NUP188: variants seen among roughly 807,000 people sequenced by gnomAD.
NUP188 encodes the protein nucleoporin NUP188.
NUP188 carries 97 observed loss-of-function variants against 223.0 expected under a neutral mutation model. The observed-to-expected ratio is 0.43, with a 90% CI of 0.37 to 0.51. The LOEUF is 0.51. Ranked by LOEUF, NUP188 falls within the 20% of genes least tolerant of loss-of-function variation. NUP188 has a pLI of 0.00. For missense variants in NUP188, 1,947 were observed against 2,175.6 expected, an observed-to-expected ratio of 0.89 and a Z score of 2.09; for synonymous variants, 869 against 828.0, an observed-to-expected ratio of 1.05 and a Z score of -0.85.
chr9:128,972,280 A>G (rs1842114960), intron 11 of NUP188, among the ~76,000 whole-genome samples: 1 of 152,260 alleles, frequency 6.6e-6, no homozygotes, highest in Non-Finnish European at 1.5e-5. Context: ...TGAGCCATCA[A>G]ACCATGAAAA....
At chr9:129,006,479 C>G in intron 43 of NUP188, 23 bp from the exon 44 acceptor site, 1 of 1,611,618 alleles carries the variant, frequency 6.2e-7, no homozygotes, top group Non-Finnish European at 8.5e-7. Flanking sequence ...CTGAGCCTCA[C>G]CAAGCCACTT....
intron 24 of NUP188, 31 bp from the exon 25 acceptor site, chr9:128,990,089 G>C (rs1258869775): frequency 6.6e-7 from 1 of 1,509,596 alleles, no homozygotes; most frequent in Non-Finnish European, 9.2e-7. Flanking sequence ...AGGCACACTT[G>C]ATATCTAAAC....
At chr9:128,966,471 G>A (rs1398925683) in intron 8 of NUP188, among the ~76,000 whole-genome samples, 2 of 151,542 alleles carry the variant, frequency 1.3e-5, no homozygotes, top group Non-Finnish European at 2.9e-5. Flanking sequence ...TGACCTCCTG[G>A]GCTCAGGTAA....
Position 128,949,202 on chromosome 9 carries a change from CTG to C in NUP188, c.49_50del (p.Trp17AspfsTer16). On this transcript the variant is annotated frameshift_variant, in exon 2 of 44. Coordinates refer to ENST00000372577, the MANE Select transcript of NUP188 (RefSeq NM_015354.3). LOFTEE classifies it high-confidence loss of function. The stretch of plus-strand genomic sequence containing the variant: ...CTCATTTTGCAGGAGCAGTAGAGAA[CTG>C]TGGACTATTCTGCTTGGAAGGTCAG... Reference protein sequence around the residue: ...GGPCVRSSRELWTILLGRSAL... With the variant: ...GGPCVRSSREXWTILLGRSAL... 6.2e-7 allele frequency: 1 copy of C among 1,613,134 alleles called. No individual in the cohort carries two copies. Among genetic ancestry groups the C allele is most frequent in the Non-Finnish European group, 8.5e-7 (1 of 1,179,290 alleles).
In NUP188 at chr9:128,999,672, C is replaced by A. The variant is rs1329897317; in HGVS notation, c.3710C>A (p.Thr1237Asn). 1.2e-6 allele frequency: 2 copies of A among 1,614,152 alleles called. No homozygotes were observed. The highest frequency in any genetic ancestry group is 1.3e-5 in the African/African-American group (1 of 75,046). Residue 1237 changes from threonine (T) to asparagine (N), a missense_variant, in exon 34 of 44, where the codon ACC becomes AAC. Thr to Asn is a moderately conservative substitution (Grantham distance 65). Transcript: ENST00000372577. ...YSQLVLNVCE[T>N]LQEEVIALFD... is the part of the protein sequence containing the mutation. The stretch of plus-strand genomic sequence containing the variant: ...CAGCTGGTGCTGAATGTCTGTGAGA[C>A]CCTCCAAGAGGAAGTGATTGCACTC...
intron 3 of NUP188, 96 bp downstream of exon 3, chr9:128,952,942 T>A: frequency 1.0e-6 from 1 of 970,780 alleles, no homozygotes; most frequent in Non-Finnish European, 1.6e-6. Flanking sequence ...TATTGTAGGG[T>A]TATGTATACC....
At chr9:128,972,130 T>C (rs1842113323) in intron 11 of NUP188, among the ~76,000 whole-genome samples, 1 of 152,236 alleles carries the variant, frequency 6.6e-6, no homozygotes, top group South Asian at 2.1e-4. Flanking sequence ...TGAAAACATA[T>C]CCACACAAAA....
chr9:128,968,817 A>T, intron 9 of NUP188, 100 bp downstream of exon 9: 1 of 864,956 alleles, frequency 1.2e-6, no homozygotes, highest in South Asian at 1.6e-5. Context: ...TTTTCACTTA[A>T]TCGGTGGGGA....
chr9:128,985,005 C>G lies in NUP188; in HGVS notation c.2067C>G (p.Thr689=). 6.2e-7 allele frequency: 1 copy of G among 1,609,760 alleles called. No individual in the cohort carries two copies. The highest frequency in any genetic ancestry group is 1.3e-5 in the African/African-American group (1 of 74,934). Residue 689 remains threonine (T), a synonymous_variant, in exon 20 of 44, where the codon ACC becomes ACG. Transcript: ENST00000372577. ...VTIAFLRLIT[T]LVKGQLGSTQ... ...TTGCCTTTCTGCGCTTGATCACCAC[C>G]CTTGTCAAGGTACAGTCTGATTTTG...
rs767991851 is a variant in NUP188 at position 128,993,304 on chromosome 9, C to T, written c.2748C>T (p.Val916=). 1 of 1,614,158 alleles carries T rather than the reference C, an allele frequency of 6.2e-7. No homozygotes were observed. The highest frequency in any genetic ancestry group is 8.5e-7 in the Non-Finnish European group (1 of 1,180,004). ...QSKIEDMRIK[V]MILEFLTVAV... ...AAATTGAGGACATGCGCATCAAAGT[C>T]ATGATTCTAGAGTTCCTCACTGTTG... The change falls in exon 26 of 44, where the codon GTC becomes GTT. Residue 916 remains valine, a synonymous_variant. Transcript: ENST00000372577.
Position 129,005,318 on chromosome 9 carries a change from G to A in NUP188, c.4525G>A (p.Gly1509Ser). 6.2e-7 allele frequency: 1 copy of A among 1,614,090 alleles called. No individual in the cohort carries two copies. The highest frequency in any genetic ancestry group is 1.3e-5 in the African/African-American group (1 of 75,050). Residue 1509 changes from glycine to serine, a missense_variant, in exon 40 of 44, where the codon GGC becomes AGC. Coordinates refer to ENST00000372577, the MANE Select transcript of NUP188 (RefSeq NM_015354.3). Reference protein sequence around the residue: ...QHYLQNKNGDGLPSAVAQRVQ... With the variant: ...QHYLQNKNGDSLPSAVAQRVQ... ...CTCTCCTTAGAACAAAAATGGGGAT[G>A]GCCTCCCCTCAGCTGTTGCCCAGCG...
chr9:128,993,817 A>G (rs556927471), intron 27 of NUP188, 123 bp downstream of exon 27: 50 of 807,928 alleles, frequency 6.2e-5, no homozygotes, highest in African/African-American at 4.6e-4. Flanking sequence ...TCCTGGTTCA[A>G]TACCTGGGAG....
intron 3 of NUP188, among the ~76,000 whole-genome samples, chr9:128,953,150 A>G (rs1327047105): frequency 3.3e-5 from 5 of 152,218 alleles, no homozygotes; most frequent in African/African-American, 1.2e-4. Context: ...CTGTGTGAGT[A>G]CTAATTGGTG....
chr9:128,982,804 T>G, intron 16 of NUP188, 98 bp from the exon 17 acceptor site: 1 of 1,588,516 alleles, frequency 6.3e-7, no homozygotes, highest in South Asian at 1.1e-5. Flanking sequence ...ACCATCAAGA[T>G]TGTGATTTGT....
At chr9:129,002,168 C>T (rs1018743668) in intron 36 of NUP188, among the ~76,000 whole-genome samples, 192 bp downstream of exon 36, 5 of 152,274 alleles carry the variant, frequency 3.3e-5, no homozygotes, top group African/African-American at 1.2e-4. Flanking sequence ...ACCGCCTGGC[C>T]TTTGTGCACT....
chr9:128,968,733 G>A lies in NUP188; in HGVS notation c.797+16G>A. 1 of 1,568,538 alleles carries A rather than the reference G, an allele frequency of 6.4e-7. No homozygotes were observed. Among genetic ancestry groups the A allele is most frequent in the Non-Finnish European group, 8.8e-7 (1 of 1,138,660 alleles). On this transcript the variant is annotated intron_variant, in intron 9 of 43. Coordinates refer to ENST00000372577, the MANE Select transcript of NUP188 (RefSeq NM_015354.3). ...ATCGGATTGGGTAAGTCAGTGAATT[G>A]AACATCATGGAACTTGCAGTGTTTA...
chr9:128,957,093 A>G (rs1841881968), intron 5 of NUP188, 61 bp downstream of exon 5: 2 of 1,209,126 alleles, frequency 1.7e-6, no homozygotes, highest in Non-Finnish European at 2.4e-6. Context: ...TTGGTTTTAG[A>G]TAATGTAGGA....
chr9:129,006,409 C>A (rs756167188), intron 43 of NUP188, 41 bp downstream of exon 43: 1 of 1,613,868 alleles, frequency 6.2e-7, no homozygotes, highest in Admixed American at 1.7e-5. Context: ...ACCAATAGGG[C>A]CAGAGCCCTG....
intron 15 of NUP188, 61 bp from the exon 16 acceptor site, chr9:128,982,488 T>C (rs1842269941): frequency 2.2e-6 from 3 of 1,388,572 alleles, no homozygotes; most frequent in African/African-American, 2.9e-5. Context: ...TGATGTCTGG[T>C]AGAGGAGTTA....
Sources: allele counts gnomAD v4.1 joint callset (sites outside exome capture counted in the v4.1 genomes callset), GRCh38; gene constraint gnomAD v4.1.1; transcripts MANE v1.5; gene names NCBI Gene and HGNC (gene_info 2026-07-23, HGNC 2026-07-21).